The following DUSP16 variants were observed in gnomAD, a reference collection of about 807,000 sequenced individuals.
DUSP16 encodes dual specificity phosphatase 16, also known as dual specificity protein phosphatase 16.
In DUSP16, 21 loss-of-function variants were observed where a neutral mutation model predicts 58.3. The ratio of observed to expected loss-of-function variants is 0.36; its 90% CI spans 0.26 to 0.52. DUSP16 has a LOEUF of 0.52. Among genes scored for constraint, DUSP16 ranks in the 20% least tolerant of loss-of-function variants. The probability of loss-of-function intolerance (pLI) is 0.94; values close to 1 mark genes in which losing one functional copy is unlikely to be tolerated. For synonymous variants in DUSP16, 320 were observed against 323.8 expected, an observed-to-expected ratio of 0.99 and a Z score of 0.12; for missense variants, 726 against 819.0, an observed-to-expected ratio of 0.89 and a Z score of 1.39.
At chr12:12,517,454 T>C (rs1314990194) in intron 3 of DUSP16, among the ~76,000 whole-genome samples, 1 of 152,202 alleles carries the variant, frequency 6.6e-6, no homozygotes, top group South Asian at 2.1e-4. Context: ...TGTCAATATG[T>C]CCTTCTGTCC....
chr12:12,531,712 A>C (rs544301594), intron 1 of DUSP16, among the ~76,000 whole-genome samples: 2 of 152,082 alleles, frequency 1.3e-5, no homozygotes, highest in African/African-American at 2.4e-5. Flanking sequence ...CTCTACTAAA[A>C]ATACAAAAAT....
rs764920091 is a variant in DUSP16, at chr12:12,477,245, G to A, written c.1586C>T (p.Thr529Met). The change falls in exon 7 of 7, where the codon ACG becomes ATG. Residue 529 changes from threonine to methionine, a missense_variant. By Grantham distance (81) the Thr-to-Met change is moderately conservative. Transcript: ENST00000298573. This position sits in a 1 kb window ranked among gnomAD's most constrained non-coding sequence, Gnocchi z 4.1. Reference sequence around the variant, plus strand: ...CTTAAGGCCCAGGCCAGCAGACTTCGTGAGGTGCTGCTGGCTGGTGGAAAG... The same window carrying A: ...CTTAAGGCCCAGGCCAGCAGACTTCATGAGGTGCTGCTGGCTGGTGGAAAG... ...FGLSTSQQHL[T>M]KSAGLGLKGW... The A allele has an allele frequency of 1.9e-5, 30 of 1,614,130 alleles. No homozygotes were observed. Among genetic ancestry groups the A allele is most frequent in the Non-Finnish European group, 2.4e-5 (28 of 1,180,052 alleles).
chr12:12,543,826 C>T (rs956418813), intron 1 of DUSP16, among the ~76,000 whole-genome samples: 2 of 151,768 alleles, frequency 1.3e-5, no homozygotes, highest in Admixed American at 6.6e-5. Context: ...AGAAGCTAAG[C>T]CTGTTCTATT....
chr12:12,555,332 C>T (rs919755604), intron 1 of DUSP16, among the ~76,000 whole-genome samples: 5 of 152,120 alleles, frequency 3.3e-5, no homozygotes, highest in Admixed American at 3.3e-4. Context: ...AACTGCAACT[C>T]AAAGCTCAAA....
Position 12,477,543 on chromosome 12 carries a change from A to T in DUSP16, c.1288T>A (p.Tyr430Asn), listed in dbSNP as rs1375112427. Reference protein sequence around the residue: ...FSSSEDALEYYKPSTTLDGTN... With the variant: ...FSSSEDALEYNKPSTTLDGTN... ...CCATCCAGAGTAGTGGAAGGTTTGT[A>T]GTATTCCAAAGCATCTTCTGATGAG... Residue 430 changes from tyrosine (Y) to asparagine (N), a missense_variant, in exon 7 of 7, where the codon TAC (tyrosine) becomes AAC (asparagine). Transcript: ENST00000298573. The surrounding 1 kb of genome is among the most constrained non-coding windows in gnomAD (Gnocchi z 4.1). 6.2e-7 allele frequency: 1 copy of T among 1,610,470 alleles called. No homozygotes were observed. The highest frequency in any genetic ancestry group is 8.5e-7 in the Non-Finnish European group (1 of 1,177,798).
At chr12:12,513,991 A>C (rs1443285899) in intron 3 of DUSP16, among the ~76,000 whole-genome samples, 4 of 152,186 alleles carry the variant, frequency 2.6e-5, no homozygotes, top group Non-Finnish European at 5.9e-5. Context: ...AACACCAAAA[A>C]AGTTGCTCAA....
Position 12,477,540 on chromosome 12 carries a change from T to C in DUSP16, c.1291A>G (p.Lys431Glu). 6.2e-7 allele frequency: 1 copy of C among 1,609,876 alleles called. No homozygotes were observed. Among genetic ancestry groups the C allele is most frequent in the Non-Finnish European group, 8.5e-7 (1 of 1,177,436 alleles). Residue 431 changes from lysine to glutamate, a missense_variant, in exon 7 of 7, where the codon AAA becomes GAA. Lys to Glu is a moderately conservative substitution (Grantham distance 56). Transcript: ENST00000298573. This position sits in a 1 kb window ranked among gnomAD's most constrained non-coding sequence, Gnocchi z 4.1. Reference protein sequence around the residue: ...SSSEDALEYYKPSTTLDGTNK... With the variant: ...SSSEDALEYYEPSTTLDGTNK... The stretch of plus-strand genomic sequence containing the variant: ...GTCCCATCCAGAGTAGTGGAAGGTT[T>C]GTAGTATTCCAAAGCATCTTCTGAT...
chr12:12,500,670 T>C lies in DUSP16; in HGVS notation c.380A>G (p.Glu127Gly). ...SVHLLAGGFA[E>G]FSRCFPGLCE... ...GAGGCCAGGGAAACAACGAGAGAAC[T>C]CAGCAAACCCACCTAAGAATAAACA... Residue 127 changes from glutamate to glycine, a missense_variant, in exon 4 of 7, where the codon GAG (glutamate) becomes GGG (glycine). Glu to Gly is a moderately conservative substitution (Grantham distance 98, BLOSUM62 -2). Transcript: ENST00000298573. The C allele has an allele frequency of 6.3e-7, 1 of 1,581,826 alleles. No individual in the cohort carries two copies. Among genetic ancestry groups the C allele is most frequent in the South Asian group, 1.2e-5 (1 of 85,036 alleles).
chr12:12,554,464 A>G (rs1430045120), intron 1 of DUSP16: 1 of 152,168 alleles, frequency 6.6e-6, no homozygotes, highest in Non-Finnish European at 1.5e-5. Context: ...AATTGGTTAT[A>G]TATTTTAAAT....
intron 1 of DUSP16, among the ~76,000 whole-genome samples, chr12:12,541,148 G>A (rs1944554336): frequency 1.3e-5 from 2 of 151,622 alleles, no homozygotes; most frequent in Admixed American, 1.3e-4. Context: ...TAGTAGAGCT[G>A]GAGTTTCACC....
In DUSP16 at chr12:12,485,010, A is replaced by AT. The variant is rs371113333; in HGVS notation, c.691+2017dup. The stretch of plus-strand genomic sequence containing the variant: ...GTTAACTTGTGGGGGTTTGTTTGTG[A>AT]TTTTTTTTTTTTTTTTTGAGATAGA... On this transcript the variant is annotated intron_variant, in intron 5 of 6. Coordinates refer to ENST00000298573, the MANE Select transcript of DUSP16 (RefSeq NM_030640.3). 4.1e-3 allele frequency among the ~76,000 whole-genome samples: 516 copies of AT among 125,048 alleles called. 3 individuals carry two copies. Among genetic ancestry groups the AT allele is most frequent in the South Asian group, 0.017 (69 of 4,118 alleles). The allele number at this position is 125,048 out of a possible 152,430, so 82.0% of individuals were successfully genotyped here.
chr12:12,500,424 G>A (rs952855995), intron 4 of DUSP16, 95 bp downstream of exon 4: 3 of 1,402,170 alleles, frequency 2.1e-6, no homozygotes, highest in Non-Finnish European at 1.9e-6. Flanking sequence ...CAGCTCCTGA[G>A]ATTGGGGTGT....
chr12:12,537,362 C>T (rs1429419658), intron 1 of DUSP16, among the ~76,000 whole-genome samples: 1 of 152,048 alleles, frequency 6.6e-6, no homozygotes, highest in African/African-American at 2.4e-5. Flanking sequence ...GACAGCAATG[C>T]TACAAGGTAA....
At chr12:12,480,961 C>T (rs1056534173) in intron 5 of DUSP16, among the ~76,000 whole-genome samples, 1 of 152,102 alleles carries the variant, frequency 6.6e-6, no homozygotes, top group Admixed American at 6.5e-5. Flanking sequence ...TCAAGTGATC[C>T]GTCCACCTCA....
At chr12:12,485,322 C>G (rs1943661314) in intron 5 of DUSP16, 2 of 151,920 alleles carry the variant, frequency 1.3e-5, no homozygotes, top group African/African-American at 4.8e-5. Flanking sequence ...TTTGTGATTA[C>G]TTTAATATGA....
intron 1 of DUSP16, among the ~76,000 whole-genome samples, chr12:12,551,056 T>C (rs1944717099): frequency 6.6e-6 from 1 of 152,054 alleles, no homozygotes; most frequent in South Asian, 2.1e-4. Context: ...ATAATGATTA[T>C]CTTGGGGAAA....
intron 1 of DUSP16, among the ~76,000 whole-genome samples, chr12:12,544,517 C>G (rs1481921021): frequency 1.3e-5 from 2 of 152,122 alleles, no homozygotes; most frequent in East Asian, 3.9e-4. Context: ...GTATGTAACA[C>G]TTTAGTATAA....
intron 1 of DUSP16, among the ~76,000 whole-genome samples, chr12:12,555,263 G>A (rs1944790377): frequency 6.6e-6 from 1 of 152,216 alleles, no homozygotes; most frequent in Admixed American, 6.5e-5. Flanking sequence ...CCCCGTTCTA[G>A]AGTGAGCACA....
At position 12,476,745 on chromosome 12, in the gene DUSP16, T is replaced by G. The variant is rs1056762402; in HGVS notation, c.*88A>C. 2 of 1,239,064 alleles carry G rather than the reference T, an allele frequency of 1.6e-6. No individual in the cohort carries two copies. The highest frequency in any genetic ancestry group is 4.6e-5 in the Admixed American group (2 of 43,248). The allele number at this position is 1,239,064 out of a possible 1,614,324, so 76.8% of individuals were successfully genotyped here. Reference sequence around the variant, plus strand: ...TCCATTTTCCAAAAATATATATGTATGTACATATATATATTTCAGATTTAC... The same window carrying G: ...TCCATTTTCCAAAAATATATATGTAGGTACATATATATATTTCAGATTTAC... On this transcript the variant is annotated 3_prime_UTR_variant, in exon 7 of 7. Transcript: ENST00000298573.
Sources: allele counts gnomAD v4.1 joint callset (sites outside exome capture counted in the v4.1 genomes callset), GRCh38; gene constraint gnomAD v4.1.1; non-coding constraint Gnocchi (gnomAD v3.1); transcripts MANE v1.5; gene names NCBI Gene and HGNC (gene_info 2026-07-23, HGNC 2026-07-21).